WDR70: variants seen among roughly 807,000 people sequenced by gnomAD.
The protein encoded by WDR70 is WD repeat-containing protein 70.
In WDR70, 53 loss-of-function variants were observed where a neutral mutation model predicts 88.6. The ratio of observed to expected loss-of-function variants is 0.60; its 90% CI spans 0.48 to 0.75. WDR70 has a LOEUF of 0.75. Ranked by LOEUF, WDR70 falls within the 30% of genes least tolerant of loss-of-function variation. WDR70 has a pLI of 0.00. For synonymous variants in WDR70, 280 were observed against 270.0 expected, an observed-to-expected ratio of 1.04 and a Z score of -0.36; for missense variants, 610 against 823.2, an observed-to-expected ratio of 0.74 and a Z score of 3.17.
chr5:37,563,444 CCT>C (rs1742601053), intron 9 of WDR70, among the ~76,000 whole-genome samples: 1 of 59,742 alleles, frequency 1.7e-5, no homozygotes, highest in Non-Finnish European at 4.0e-5. Context: ...CCCCCCACAT[CCT>C]TCCCGGACGG....
At chr5:37,666,539 G>A (rs1007237831) in intron 10 of WDR70, among the ~76,000 whole-genome samples, 5 of 152,174 alleles carry the variant, frequency 3.3e-5, no homozygotes, top group Non-Finnish European at 5.9e-5. Flanking sequence ...AGAAACTGTG[G>A]TAGTGCTAAT....
intron 9 of WDR70, among the ~76,000 whole-genome samples, chr5:37,571,290 A>G (rs554619636): frequency 1.1e-4 from 16 of 152,184 alleles, no homozygotes; most frequent in Non-Finnish European, 2.1e-4. Flanking sequence ...CAAAAGATGC[A>G]TTGCTATTGA....
At chr5:37,674,912 A>C (rs1032858442) in intron 10 of WDR70, among the ~76,000 whole-genome samples, 1 of 151,482 alleles carries the variant, frequency 6.6e-6, no homozygotes, top group Non-Finnish European at 1.5e-5. Context: ...CTGACTTTTT[A>C]ATGATTGCCA....
chr5:37,641,562 A>G lies in WDR70; in HGVS notation c.1092+36324A>G, dbSNP rs1745104386. On this transcript the variant is annotated intron_variant, in intron 10 of 17. Transcript: ENST00000265107. ...CTCCCGAGTAGCTGGGATTACAGAC[A>G]TGTGCCACTACGCCCTGCTAATTTT... Among the ~76,000 whole-genome samples the G allele has an allele frequency of 2.6e-5, 4 of 151,754 alleles. No homozygotes were observed. The South Asian group carries it at 8.3e-4, about 31-fold the overall frequency.
At chr5:37,437,292 G>T (rs1454311052) in intron 5 of WDR70, among the ~76,000 whole-genome samples, 1 of 152,010 alleles carries the variant, frequency 6.6e-6, no homozygotes, top group Middle Eastern at 3.2e-3. Flanking sequence ...ACTTTGAAGG[G>T]TTAAAAGGTA....
chr5:37,582,306 T>A (rs1368232239), intron 9 of WDR70, among the ~76,000 whole-genome samples: 1 of 152,220 alleles, frequency 6.6e-6, no homozygotes, highest in African/African-American at 2.4e-5. Context: ...CCTTTTAATA[T>A]TTCAGGAAAA....
At chr5:37,437,209 C>G (rs572598935) in intron 5 of WDR70, among the ~76,000 whole-genome samples, 45 of 152,282 alleles carry the variant, frequency 3.0e-4, no homozygotes, top group African/African-American at 9.9e-4. Flanking sequence ...TCAGTAAATG[C>G]TTATTGAACC....
At chr5:37,742,920 C>A (rs541494015) in intron 17 of WDR70, among the ~76,000 whole-genome samples, 7 of 152,312 alleles carry the variant, frequency 4.6e-5, no homozygotes, top group African/African-American at 1.4e-4. Flanking sequence ...GAGTTTATTG[C>A]CTTGGTTTTT....
At chr5:37,514,582 T>C (rs990092934) in intron 8 of WDR70, among the ~76,000 whole-genome samples, 14 of 151,420 alleles carry the variant, frequency 9.2e-5, no homozygotes, top group Non-Finnish European at 1.6e-4. Context: ...TTCGTGCTGT[T>C]CCCCCGACAG....
chr5:37,697,546 T>C, intron 10 of WDR70, 109 bp from the exon 11 acceptor site: 1 of 820,004 alleles, frequency 1.2e-6, no homozygotes, highest in South Asian at 1.8e-5. Flanking sequence ...GTACTTTGCT[T>C]ATAGGTGTGT....
chr5:37,673,592 C>CCCCA (rs1371750372), intron 10 of WDR70, among the ~76,000 whole-genome samples: 1 of 116,816 alleles, frequency 8.6e-6, no homozygotes, highest in East Asian at 3.0e-4. Context: ...TACCCCCCCC[C>CCCCA]CACCCTTTTT....
At chr5:37,604,492 T>G (rs773102814) in intron 9 of WDR70, among the ~76,000 whole-genome samples, 7 of 152,178 alleles carry the variant, frequency 4.6e-5, no homozygotes, top group Non-Finnish European at 7.4e-5. Flanking sequence ...AGTACAAGGG[T>G]GTTACACCTC....
At chr5:37,610,171 CAGG>C (rs1482731216) in intron 10 of WDR70, among the ~76,000 whole-genome samples, 1 of 149,640 alleles carries the variant, frequency 6.7e-6, no homozygotes, top group East Asian at 2.0e-4. Context: ...GAGGTTGATG[CAGG>C]AGAATTGCTT....
intron 10 of WDR70, chr5:37,687,959 A>C: frequency 1.4e-6 from 1 of 691,836 alleles, no homozygotes; most frequent in Admixed American, 2.0e-5. Context: ...CTCTGGGCTC[A>C]CACTGAAGTT....
intron 10 of WDR70, among the ~76,000 whole-genome samples, chr5:37,649,952 T>A (rs1581465124): frequency 7.4e-6 from 1 of 135,558 alleles, no homozygotes; most frequent in South Asian, 2.4e-4. Context: ...TTAGCCAGGA[T>A]GGTCTCGATC....
intron 10 of WDR70, among the ~76,000 whole-genome samples, chr5:37,684,734 C>T (rs78742489): frequency 0.024 from 3,634 of 152,282 alleles, 150 homozygotes; most frequent in African/African-American, 0.083. Flanking sequence ...GTGGTGTCAG[C>T]AAAAGCATTT....
intron 9 of WDR70, among the ~76,000 whole-genome samples, chr5:37,569,740 TA>T (rs1456564196): frequency 2.0e-5 from 3 of 152,054 alleles, no homozygotes; most frequent in Non-Finnish European, 4.4e-5. Context: ...AACAGCAAGG[TA>T]AAATACAGTG....
intron 10 of WDR70, among the ~76,000 whole-genome samples, chr5:37,639,519 TTTGTTGTTG>T (rs570968087): frequency 1.7e-4 from 26 of 152,132 alleles, no homozygotes; most frequent in East Asian, 9.6e-4. Flanking sequence ...TCTTAATTCC[TTTGTTGTTG>T]TTGTTGTTGT....
chr5:37,430,022 T>A (rs1048885216), intron 5 of WDR70, among the ~76,000 whole-genome samples: 2 of 152,246 alleles, frequency 1.3e-5, no homozygotes, highest in African/African-American at 4.8e-5. Context: ...TTAATTTTTC[T>A]CAGTAACATA....
Sources: gnomAD v4.1 joint callset for allele counts (sites outside exome capture counted in the v4.1 genomes callset) on GRCh38, gnomAD v4.1.1 for gene constraint, MANE v1.5 for transcripts, NCBI Gene and HGNC (gene_info 2026-07-23, HGNC 2026-07-21) for gene names.